Variants in DLGAP1 observed in about 807,000 individuals in gnomAD.
DLGAP1 encodes the protein DLG associated protein 1.
DLGAP1 carries 11 observed loss-of-function variants against 90.8 expected under a neutral mutation model. The ratio of observed to expected loss-of-function variants is 0.12; its 90% confidence interval spans 0.08 to 0.20. The LOEUF is 0.20. Among genes scored for constraint, DLGAP1 ranks in the 10% least tolerant of loss-of-function variants. The probability of loss-of-function intolerance (pLI) is 1.00; values close to 1 mark genes in which losing one functional copy is unlikely to be tolerated. For missense variants in DLGAP1, 1,050 were observed against 1,333.8 expected (o/e 0.79, Z 3.31); for synonymous variants, 558 against 540.7 (o/e 1.03, Z -0.44).
At chr18:4,016,613 C>G (rs536306131) in intron 2 of DLGAP1, among the ~76,000 whole-genome samples, 42 of 152,292 alleles carry the variant, frequency 2.8e-4, no homozygotes, top group African/African-American at 7.9e-4. Flanking sequence ...CTCTATTGCT[C>G]AAGTTCATTT....
chr18:4,115,159 T>C (rs771502552), intron 2 of DLGAP1, among the ~76,000 whole-genome samples: 1 of 152,162 alleles, frequency 6.6e-6, no homozygotes, highest in African/African-American at 2.4e-5. Flanking sequence ...TTACCATGCA[T>C]GTCTTATCAA....
chr18:4,049,410 T>C (rs913251004), intron 2 of DLGAP1, among the ~76,000 whole-genome samples: 1 of 152,048 alleles, frequency 6.6e-6, no homozygotes, highest in Non-Finnish European at 1.5e-5. Flanking sequence ...CCTCCTCCCA[T>C]GCAGCCGAGG....
intron 7 of DLGAP1, among the ~76,000 whole-genome samples, chr18:3,625,209 T>C (rs2058248241): frequency 6.6e-6 from 1 of 152,340 alleles, no homozygotes; most frequent in East Asian, 1.9e-4. Flanking sequence ...CCAAATTCTA[T>C]GACTATTTGG....
chr18:4,190,581 T>C (rs1029276135), intron 1 of DLGAP1, among the ~76,000 whole-genome samples: 1 of 152,146 alleles, frequency 6.6e-6, no homozygotes, highest in East Asian at 1.9e-4. Flanking sequence ...CGTACCTTAC[T>C]AATGCAAGAT....
chr18:3,927,269 G>A (rs1333976388), intron 3 of DLGAP1, among the ~76,000 whole-genome samples: 2 of 152,168 alleles, frequency 1.3e-5, no homozygotes, highest in African/African-American at 4.8e-5. Context: ...TACAACTTTT[G>A]GAAAGACATC....
chr18:3,928,930 T>C (rs929574667), intron 3 of DLGAP1, among the ~76,000 whole-genome samples: 3 of 152,170 alleles, frequency 2.0e-5, no homozygotes, highest in African/African-American at 7.2e-5. Context: ...TCTAATGTTT[T>C]AGCACCATCC....
Position 3,752,187 on chromosome 18 carries a change from A to C in DLGAP1, c.1173-9675T>G, listed in dbSNP as rs1598593493. 2.6e-5 allele frequency among the ~76,000 whole-genome samples: 4 copies of C among 152,140 alleles called. No individual in the cohort carries two copies. In the South Asian group the frequency reaches 6.2e-4, roughly 24 times the overall value. On this transcript the variant is annotated intron_variant, in intron 5 of 12. Coordinates refer to ENST00000315677, the MANE Select transcript of DLGAP1 (RefSeq NM_004746.4). ...GTGTGAGCCACCACGGCCGGCTCAT[A>C]AAGTTTTATTGTGATATAATTTATA...
chr18:4,191,066 A>T (rs1449803426), intron 1 of DLGAP1, among the ~76,000 whole-genome samples: 1 of 152,128 alleles, frequency 6.6e-6, no homozygotes, highest in Non-Finnish European at 1.5e-5. Context: ...CCTCTTACCA[A>T]AAGTTGCAAA....
intron 3 of DLGAP1, among the ~76,000 whole-genome samples, chr18:3,985,328 G>C (rs1233446920): frequency 6.6e-6 from 1 of 152,064 alleles, no homozygotes; most frequent in Non-Finnish European, 1.5e-5. Context: ...CTCCAGGCCT[G>C]GCTCATACTA....
At chr18:4,449,817 G>A (rs2083773198) in intron 1 of DLGAP1, among the ~76,000 whole-genome samples, 1 of 152,122 alleles carries the variant, frequency 6.6e-6, no homozygotes, top group Non-Finnish European at 1.5e-5. Context: ...CAGGAAAGAG[G>A]GAACAATGTA....
intron 2 of DLGAP1, among the ~76,000 whole-genome samples, chr18:4,059,603 C>T (rs1324945281): frequency 3.3e-5 from 5 of 151,988 alleles, no homozygotes; most frequent in African/African-American, 4.8e-5. Context: ...CCCAGCTACT[C>T]GGGAGGCTGA....
intron 7 of DLGAP1, among the ~76,000 whole-genome samples, chr18:3,608,636 C>A (rs1270110703): frequency 6.6e-6 from 1 of 152,114 alleles, no homozygotes. Context: ...GAAGGTCACT[C>A]ACTGTGAGAG....
intron 7 of DLGAP1, among the ~76,000 whole-genome samples, chr18:3,696,743 T>C (rs932305130): frequency 6.6e-5 from 10 of 152,194 alleles, no homozygotes; most frequent in Admixed American, 1.3e-4. Context: ...CCTCTTTTTG[T>C]ATTGTTTGGA....
chr18:4,081,246 C>T (rs551600861), intron 2 of DLGAP1, among the ~76,000 whole-genome samples: 7 of 148,250 alleles, frequency 4.7e-5, no homozygotes, highest in Admixed American at 4.1e-4. Flanking sequence ...ACCCAGGCGG[C>T]GGAGGTTGTG....
At chr18:3,747,204 A>G (rs538256418) in intron 5 of DLGAP1, among the ~76,000 whole-genome samples, 3 of 152,318 alleles carry the variant, frequency 2.0e-5, no homozygotes, top group African/African-American at 7.2e-5. Flanking sequence ...ATAAAAAAGT[A>G]AAAGAAAAAA....
chr18:3,767,258 A>T (rs2064291618), intron 5 of DLGAP1, among the ~76,000 whole-genome samples: 1 of 152,134 alleles, frequency 6.6e-6, no homozygotes, highest in Admixed American at 6.5e-5. Flanking sequence ...TTGTAATTTA[A>T]AAGTTCCTCA....
chr18:4,202,758 T>C (rs1011886985), intron 1 of DLGAP1, among the ~76,000 whole-genome samples: 70 of 152,186 alleles, frequency 4.6e-4, no homozygotes, highest in Admixed American at 4.4e-3. Flanking sequence ...TTTATAATTT[T>C]ACTCTTTTTC....
chr18:4,400,480 G>A (rs990213683), intron 1 of DLGAP1, among the ~76,000 whole-genome samples: 1 of 152,226 alleles, frequency 6.6e-6, no homozygotes, highest in African/African-American at 2.4e-5. Context: ...TCCAGAGAAG[G>A]AAACTGTCAG....
At chr18:4,318,103 C>G (rs1441028136) in intron 1 of DLGAP1, among the ~76,000 whole-genome samples, 2 of 152,154 alleles carry the variant, frequency 1.3e-5, no homozygotes, top group African/African-American at 4.8e-5. Flanking sequence ...GCATGAGCCA[C>G]CATGCCTGGC....
Sources: gnomAD v4.1 joint callset for allele counts (sites outside exome capture counted in the v4.1 genomes callset) on GRCh38, gnomAD v4.1.1 for gene constraint, MANE v1.5 for transcripts, NCBI Gene and HGNC (gene_info 2026-07-23, HGNC 2026-07-21) for gene names.